XRCC4: variants seen among roughly 807,000 people sequenced by gnomAD.
XRCC4 encodes X-ray repair cross complementing 4.
In XRCC4, 28 loss-of-function variants were observed where a neutral mutation model predicts 39.1. The ratio of observed to expected loss-of-function variants is 0.72; its 90% CI spans 0.53 to 0.98. XRCC4 has a LOEUF of 0.98. XRCC4 is among the 50% of genes least tolerant of loss of function. XRCC4 has a pLI of 0.00. For synonymous variants in XRCC4, 123 were observed against 126.4 expected (o/e 0.97, Z 0.18); for missense variants, 350 against 376.4 (o/e 0.93, Z 0.58).
the XRCC4 span, among the ~76,000 whole-genome samples, chr5:83,362,316 A>AAAAAAAAAAAAAAAAAAAAAC: frequency 4.1e-5 from 6 of 146,040 alleles, no homozygotes; most frequent in African/African-American, 1.4e-4. Flanking sequence ...AAAAAAAAAA[A>AAAAAAAAAAAAAAAAAAAAAC]AACTATCTCA....
At chr5:83,109,790 G>A (rs1419839214) in intron 2 of XRCC4, among the ~76,000 whole-genome samples, 1 of 151,982 alleles carries the variant, frequency 6.6e-6, no homozygotes, top group Non-Finnish European at 1.5e-5. Context: ...GAGGTAGAAT[G>A]TTGAGGCTTC....
intron 6 of XRCC4, among the ~76,000 whole-genome samples, chr5:83,227,347 T>C (rs142398753): frequency 5.3e-5 from 8 of 152,260 alleles, no homozygotes; most frequent in African/African-American, 1.9e-4. Context: ...ATGCCTCATA[T>C]TGTTTGCTGA....
intron 3 of XRCC4, among the ~76,000 whole-genome samples, chr5:83,123,719 G>C (rs945482139): frequency 1.3e-5 from 2 of 151,550 alleles, no homozygotes; most frequent in African/African-American, 4.8e-5. Flanking sequence ...GTTTGCTTTA[G>C]GGTTTATAGC....
intron 3 of XRCC4, among the ~76,000 whole-genome samples, chr5:83,123,534 A>G (rs1165190960): frequency 7.7e-6 from 1 of 129,454 alleles, no homozygotes; most frequent in African/African-American, 3.4e-5. Flanking sequence ...GTTTTATGTA[A>G]TTATTGACAA....
chr5:83,306,820 CAT>C (rs1227625469), intron 7 of XRCC4, among the ~76,000 whole-genome samples: 3 of 152,146 alleles, frequency 2.0e-5, no homozygotes, highest in African/African-American at 7.2e-5. Flanking sequence ...AACTCTGACT[CAT>C]GTTTTTGTGG....
At chr5:83,279,317 C>T (rs1442049981) in intron 7 of XRCC4, among the ~76,000 whole-genome samples, 1 of 151,578 alleles carries the variant, frequency 6.6e-6, no homozygotes, top group African/African-American at 2.4e-5. Context: ...TGTAGCTTAG[C>T]TCTGGATCCA....
chr5:83,299,514 G>A (rs904613984), intron 7 of XRCC4, among the ~76,000 whole-genome samples: 2 of 151,928 alleles, frequency 1.3e-5, no homozygotes, highest in Non-Finnish European at 2.9e-5. Context: ...CCCTTCCTTT[G>A]TAACTCCAAT....
chr5:83,320,604 A>G (rs1045106332), intron 7 of XRCC4, among the ~76,000 whole-genome samples: 1 of 151,730 alleles, frequency 6.6e-6, no homozygotes, highest in Non-Finnish European at 1.5e-5. Flanking sequence ...GAAGGGGTCA[A>G]TCAGTGTCAT....
chr5:83,343,056 C>T lies in XRCC4; in HGVS notation c.894-10075C>T, dbSNP rs893606707. Among the ~76,000 whole-genome samples the T allele has an allele frequency of 2.7e-5, 4 of 147,106 alleles. No homozygotes were observed. In the Admixed American group the frequency reaches 2.8e-4, roughly 10 times the overall value. On this transcript the variant is annotated intron_variant, in intron 7 of 7. Transcript: ENST00000396027. ...GATTTGATATGTCCTAAAAACAAAC[C>T]GTAAAATATTTGACTTTTTTTTTTT...
chr5:83,310,631 G>A (rs28360296), intron 7 of XRCC4, among the ~76,000 whole-genome samples: 18 of 152,088 alleles, frequency 1.2e-4, no homozygotes, highest in African/African-American at 4.1e-4. Flanking sequence ...AATAATAGTC[G>A]CCAAAGATAA....
intron 7 of XRCC4, among the ~76,000 whole-genome samples, chr5:83,322,187 G>A (rs1756097910): frequency 6.6e-6 from 1 of 151,506 alleles, no homozygotes; most frequent in African/African-American, 2.4e-5. Context: ...CCGGAATATT[G>A]TTAGACATTT....
intron 6 of XRCC4, among the ~76,000 whole-genome samples, chr5:83,239,830 A>C (rs1158141649): frequency 6.9e-6 from 1 of 145,966 alleles, no homozygotes; most frequent in Non-Finnish European, 1.5e-5. Context: ...CTCTGTCTCA[A>C]AAAAAAAAAA....
intron 3 of XRCC4, among the ~76,000 whole-genome samples, chr5:83,155,596 G>A (rs1748919941): frequency 6.6e-6 from 1 of 152,094 alleles, no homozygotes; most frequent in African/African-American, 2.4e-5. Flanking sequence ...CTATACTAGT[G>A]TGACTTATTA....
chr5:83,353,123 A>C lies in XRCC4; in HGVS notation c.894-8A>C. ...ATAAAACTATTTTGATTTTCTTTTC[A>C]GTTCTAGGCCTGATTCTTCACTACC... On this transcript the variant is annotated splice_polypyrimidine_tract_variant and splice_region_variant and intron_variant, in intron 7 of 7. Coordinates refer to ENST00000396027, the MANE Select transcript of XRCC4 (RefSeq NM_003401.5). 6.4e-7 allele frequency: 1 copy of C among 1,563,306 alleles called. No homozygotes were observed. Among genetic ancestry groups the C allele is most frequent in the Non-Finnish European group, 8.6e-7 (1 of 1,161,116 alleles).
At chr5:83,306,474 A>T (rs1755491728) in intron 7 of XRCC4, among the ~76,000 whole-genome samples, 1 of 146,470 alleles carries the variant, frequency 6.8e-6, no homozygotes, top group South Asian at 2.2e-4. Context: ...GAAACATTCA[A>T]CTTATCAAGT....
At chr5:83,158,987 T>C (rs1749084010) in intron 3 of XRCC4, among the ~76,000 whole-genome samples, 1 of 152,166 alleles carries the variant, frequency 6.6e-6, no homozygotes, top group South Asian at 2.1e-4. Flanking sequence ...CCAGCTATTC[T>C]GTTCCTCAGC....
At chr5:83,320,479 T>G (rs1756028808) in intron 7 of XRCC4, among the ~76,000 whole-genome samples, 1 of 151,892 alleles carries the variant, frequency 6.6e-6, no homozygotes, top group African/African-American at 2.4e-5. Flanking sequence ...ATCCATAAAC[T>G]TAGTTCATAA....
intron 6 of XRCC4, among the ~76,000 whole-genome samples, chr5:83,213,052 A>T (rs1452461707): frequency 6.6e-6 from 1 of 151,886 alleles, no homozygotes; most frequent in Admixed American, 6.6e-5. Context: ...ATAACAACAG[A>T]CATTATCTGA....
intron 6 of XRCC4, among the ~76,000 whole-genome samples, chr5:83,214,223 A>T (rs1029807757): frequency 2.6e-4 from 40 of 152,200 alleles, no homozygotes; most frequent in Non-Finnish European, 4.4e-4. Context: ...AGGCAAGAAA[A>T]TAAGATAAAA....
Sources: gnomAD v4.1 joint callset for allele counts (sites outside exome capture counted in the v4.1 genomes callset) on GRCh38, gnomAD v4.1.1 for gene constraint, MANE v1.5 for transcripts, NCBI Gene and HGNC (gene_info 2026-07-23, HGNC 2026-07-21) for gene names.